Variants in UCHL1 observed in about 807,000 individuals in gnomAD.
UCHL1 encodes the protein ubiquitin carboxyl-terminal hydrolase isozyme L1.
UCHL1 carries 5 observed loss-of-function variants against 33.3 expected under a neutral mutation model. The ratio of observed to expected loss-of-function variants is 0.15; its 90% CI spans 0.08 to 0.32. The LOEUF (loss-of-function observed/expected upper bound fraction) is 0.32. Among genes scored for constraint, UCHL1 ranks in the 10% least tolerant of loss-of-function variants. UCHL1 has a pLI of 1.00. For synonymous variants in UCHL1, 132 were observed against 108.8 expected (o/e 1.21, Z -1.33); for missense variants, 236 against 280.0 (o/e 0.84, Z 1.12).
At chr4:41,259,970 C>T (rs1781045009) in intron 3 of UCHL1, among the ~76,000 whole-genome samples, 1 of 152,218 alleles carries the variant, frequency 6.6e-6, no homozygotes, top group African/African-American at 2.4e-5. Flanking sequence ...TCTCTATCCT[C>T]CTCCTCAAAT....
intron 2 of UCHL1, 111 bp downstream of exon 2, chr4:41,257,237 G>A (rs1780991055): frequency 6.5e-7 from 1 of 1,546,486 alleles, no homozygotes; most frequent in African/African-American, 1.4e-5. Flanking sequence ...GCGAGCACCG[G>A]AGACGGCCGG....
chr4:41,257,669 G>T lies in UCHL1; in HGVS notation c.106G>T (p.Glu36Ter). 6.4e-7 allele frequency: 1 copy of T among 1,574,368 alleles called. No individual in the cohort carries two copies. Among genetic ancestry groups the T allele is most frequent in the Non-Finnish European group, 8.6e-7 (1 of 1,163,406 alleles). The change falls in exon 3 of 9, where the codon GAG becomes TAG. Residue 36 changes from glutamate (E) to a stop codon, truncating the protein, a stop_gained. Transcript: ENST00000284440. LOFTEE classifies it high-confidence loss of function. ...WRFVDVLGLEEESLGSVPAPA... is the reference protein window; with the variant it reads ...WRFVDVLGLE The stretch of plus-strand genomic sequence containing the variant: ...CTTCGTGGACGTGCTGGGGCTGGAA[G>T]AGGAGTCTCTGGGCTCGGTGCCAGC...
chr4:41,265,759 T>C (rs567915677), intron 8 of UCHL1, among the ~76,000 whole-genome samples: 1 of 152,328 alleles, frequency 6.6e-6, no homozygotes, highest in Non-Finnish European at 1.5e-5. Flanking sequence ...TTCTCTCATC[T>C]GTCAGACACA....
rs746012544 is a variant in UCHL1 at position 41,264,180 on chromosome 4, CTCT to C, written c.585+24_585+26del. ...GCTGAAGGTCATCTTTGGAATGCAT[CTCT>C]TCTTAATGTGCCTCACAATTCTTTG... On this transcript the variant is annotated intron_variant, in intron 8 of 8. Coordinates refer to ENST00000284440, the MANE Select transcript of UCHL1 (RefSeq NM_004181.5). 6.8e-6 allele frequency: 11 copies of C among 1,614,036 alleles called. No individual in the cohort carries two copies. In the South Asian group the frequency reaches 9.9e-5, roughly 14 times the overall value.
chr4:41,267,732 T>TA (rs887662880), intron 8 of UCHL1, among the ~76,000 whole-genome samples: 10 of 152,198 alleles, frequency 6.6e-5, no homozygotes, highest in African/African-American at 2.4e-4. Flanking sequence ...TTGTTTTTTT[T>TA]AACTTTTCCA....
In UCHL1 at chr4:41,262,007, A is replaced by G. The variant is rs1580925592; in HGVS notation, c.459+84A>G. ...AATTGTGCAGGAATCTCTTACTGGA[A>G]CACAGCAAATGTTATCCACCCAAGG... is the stretch of plus-strand genomic sequence containing the variant. On this transcript the variant is annotated intron_variant, in intron 6 of 8. Coordinates refer to ENST00000284440, the MANE Select transcript of UCHL1 (RefSeq NM_004181.5). 23 of 1,560,778 alleles carry G rather than the reference A, an allele frequency of 1.5e-5. No individual in the cohort carries two copies. The South Asian group carries it at 2.5e-4, about 17-fold the overall frequency.
At chr4:41,264,237 ACT>A (rs775481518) in intron 8 of UCHL1, 76 bp downstream of exon 8, 9 of 1,574,300 alleles carry the variant, frequency 5.7e-6, no homozygotes, top group African/African-American at 5.4e-5. Context: ...AAGTGCTAAC[ACT>A]CTTCCAGTAT....
rs777112600 is a variant in UCHL1 at position 41,261,943 on chromosome 4, G to A, written c.459+20G>A. The A allele has an allele frequency of 1.4e-5, 22 of 1,613,328 alleles. No individual in the cohort carries two copies. The South Asian group carries it at 2.0e-4, about 15-fold the overall frequency. On this transcript the variant is annotated intron_variant, in intron 6 of 8. Coordinates refer to ENST00000284440, the MANE Select transcript of UCHL1 (RefSeq NM_004181.5). ...TGTCGGGTAAATGCAAATACAAATC[G>A]GAGCCAGGCTGCCTGGGTGCCATCT...
intron 7 of UCHL1, 114 bp downstream of exon 7, chr4:41,263,405 G>GTATT: frequency 1.9e-6 from 2 of 1,070,602 alleles, no homozygotes; most frequent in Non-Finnish European, 2.9e-6. Flanking sequence ...TGTTTATAAA[G>GTATT]CCACAATAAC....
intron 3 of UCHL1, among the ~76,000 whole-genome samples, chr4:41,260,393 G>A (rs1410036074): frequency 6.6e-6 from 1 of 152,098 alleles, no homozygotes; most frequent in Non-Finnish European, 1.5e-5. Flanking sequence ...CACAGCCTTG[G>A]GCAGTATCCA....
At chr4:41,262,712 T>C (rs1781092209) in intron 6 of UCHL1, among the ~76,000 whole-genome samples, 2 of 151,910 alleles carry the variant, frequency 1.3e-5, no homozygotes, top group African/African-American at 4.8e-5. Context: ...ACTGCAGCAA[T>C]TCTCTCATCT....
chr4:41,263,736 A>G (rs1179897306), intron 7 of UCHL1, among the ~76,000 whole-genome samples: 2 of 152,204 alleles, frequency 1.3e-5, no homozygotes, highest in Non-Finnish European at 1.5e-5. Context: ...AGTGAAGGCA[A>G]TCTACAGTCA....
intron 8 of UCHL1, among the ~76,000 whole-genome samples, chr4:41,266,574 A>C (rs1477689060): frequency 6.6e-6 from 1 of 152,194 alleles, no homozygotes; most frequent in Non-Finnish European, 1.5e-5. Flanking sequence ...ATACTGATAT[A>C]TTAAAAAACT....
At chr4:41,263,085 G>A (rs1781099213) in intron 6 of UCHL1, 140 bp from the exon 7 acceptor site, 3 of 707,182 alleles carry the variant, frequency 4.2e-6, no homozygotes, top group Admixed American at 2.1e-5. Context: ...CTTAGAATAG[G>A]GCTTAATGTA....
chr4:41,257,191 C>T (rs991724824), intron 2 of UCHL1, 65 bp downstream of exon 2: 20 of 1,609,804 alleles, frequency 1.2e-5, no homozygotes, highest in Non-Finnish European at 1.7e-5. Context: ...GGGCGCCCAC[C>T]GGTTCCGGCT....
At chr4:41,259,155 C>A (rs949089019) in intron 3 of UCHL1, among the ~76,000 whole-genome samples, 2 of 152,202 alleles carry the variant, frequency 1.3e-5, no homozygotes, top group African/African-American at 4.8e-5. Context: ...TCAGATTTAT[C>A]GAGCGCCTAT....
chr4:41,268,397 C>T lies in UCHL1; in HGVS notation c.*324C>T. 1 of 359,584 alleles carries T rather than the reference C, an allele frequency of 2.8e-6. No homozygotes were observed. The highest frequency in any genetic ancestry group is 5.1e-6 in the Non-Finnish European group (1 of 196,424). The allele number at this position is 359,584 out of a possible 1,614,324, so 22.3% of individuals were successfully genotyped here. Reference sequence around the variant, plus strand: ...TGGATGTGGTTTAATTGTTTGTCCTCAAAAGGAATAAAACTTTTCTGCTGA... The same window carrying T: ...TGGATGTGGTTTAATTGTTTGTCCTTAAAAGGAATAAAACTTTTCTGCTGA... On this transcript the variant is annotated 3_prime_UTR_variant, in exon 9 of 9. Transcript: ENST00000284440.
At chr4:41,257,889 T>G in intron 3 of UCHL1, 152 bp downstream of exon 3, 73 of 1,161,316 alleles carry the variant, frequency 6.3e-5, no homozygotes, top group African/African-American at 8.0e-5. Flanking sequence ...TCGTGGTACC[T>G]ACTCCCTGGG....
chr4:41,256,949 G>A lies in UCHL1; in HGVS notation c.-28G>A, dbSNP rs201952662. 4.3e-6 allele frequency: 7 copies of A among 1,614,130 alleles called. No individual in the cohort carries two copies. The highest frequency in any genetic ancestry group is 4.5e-5 in the East Asian group (2 of 44,878). ...CGCTAGCTGTTTTTCGTCTTCCCTA[G>A]GCTATTTCTGCCGGGCGCTCCGCGA... On this transcript the variant is annotated 5_prime_UTR_variant, in exon 1 of 9. Transcript: ENST00000284440.
Sources: allele counts gnomAD v4.1 joint callset (sites outside exome capture counted in the v4.1 genomes callset), GRCh38; gene constraint gnomAD v4.1.1; transcripts MANE v1.5; gene names NCBI Gene and HGNC (gene_info 2026-07-23, HGNC 2026-07-21).